The following HTR1F variants were observed in gnomAD, a reference collection of about 807,000 sequenced individuals.
HTR1F encodes 5-hydroxytryptamine (serotonin) receptor 1F, G protein-coupled.
Under a neutral mutation model 24.0 loss-of-function variants are expected in HTR1F, and 17 were observed. The observed-to-expected ratio is 0.71, with a 90% CI of 0.48 to 1.06. HTR1F has a LOEUF of 1.06. HTR1F is among the 50% of genes least tolerant of loss of function. The pLI is 0.00. For synonymous variants in HTR1F, 186 were observed against 156.8 expected (o/e 1.19, Z -1.39); for missense variants, 391 against 427.8 (o/e 0.91, Z 0.76).
chr3:87,934,992 A>G (rs2107420169), intron 2 of HTR1F, among the ~76,000 whole-genome samples: 1 of 152,224 alleles, frequency 6.6e-6, no homozygotes, highest in South Asian at 2.1e-4. Flanking sequence ...CAGCCTCACA[A>G]GTAGCTGGGA....
chr3:87,805,876 G>T (rs1482659623), intron 1 of HTR1F, among the ~76,000 whole-genome samples: 1 of 152,000 alleles, frequency 6.6e-6, no homozygotes, highest in African/African-American at 2.4e-5. Context: ...TCAAACATTA[G>T]AACTTATGCC....
chr3:87,832,149 T>C (rs1704592472), intron 2 of HTR1F, among the ~76,000 whole-genome samples: 1 of 152,084 alleles, frequency 6.6e-6, no homozygotes, highest in Non-Finnish European at 1.5e-5. Flanking sequence ...ATTGAGTAAC[T>C]AAAGCTAAAA....
intron 2 of HTR1F, among the ~76,000 whole-genome samples, chr3:87,981,615 C>T (rs1326288746): frequency 6.6e-6 from 1 of 152,200 alleles, no homozygotes. Context: ...TCTCCCCACC[C>T]TTCCTTTACA....
chr3:87,934,057 CT>C (rs1303569658), intron 2 of HTR1F, among the ~76,000 whole-genome samples: 1 of 152,192 alleles, frequency 6.6e-6, no homozygotes, highest in African/African-American at 2.4e-5. Flanking sequence ...TCTGGTTCGT[CT>C]TTGGCCCACA....
intron 2 of HTR1F, among the ~76,000 whole-genome samples, chr3:87,893,190 A>G (rs1228965303): frequency 6.6e-6 from 1 of 152,062 alleles, no homozygotes; most frequent in Non-Finnish European, 1.5e-5. Context: ...CATTACTGGT[A>G]TTTTTTATCT....
At chr3:87,908,232 T>C (rs1263797953) in intron 2 of HTR1F, among the ~76,000 whole-genome samples, 1 of 152,004 alleles carries the variant, frequency 6.6e-6, no homozygotes, top group African/African-American at 2.4e-5. Flanking sequence ...TGATACTTTA[T>C]GTAGAACAGT....
At chr3:87,841,487 A>G (rs1365967786) in intron 2 of HTR1F, among the ~76,000 whole-genome samples, 1 of 151,954 alleles carries the variant, frequency 6.6e-6, no homozygotes, top group Admixed American at 6.6e-5. Flanking sequence ...TAACAAATAT[A>G]TGAAAGTGCA....
rs1441326768 is a variant in HTR1F, at chr3:87,916,767, A to G, written c.-42-73941A>G. Among the ~76,000 whole-genome samples the G allele has an allele frequency of 2.0e-5, 3 of 151,538 alleles. 1 individual carries two copies. The highest frequency in any genetic ancestry group is 6.8e-3 in the Middle Eastern group (2 of 294). Reference sequence around the variant, plus strand: ...CTAAGCAATGAGATAGCAGCACAATAATACTTCAATACTCCACTGACAGCA... The same window carrying G: ...CTAAGCAATGAGATAGCAGCACAATGATACTTCAATACTCCACTGACAGCA... On this transcript the variant is annotated intron_variant, in intron 2 of 2. Transcript: ENST00000319595.
At chr3:87,878,418 T>TA (rs1705717047) in intron 2 of HTR1F, among the ~76,000 whole-genome samples, 1 of 152,132 alleles carries the variant, frequency 6.6e-6, no homozygotes, top group Admixed American at 6.6e-5. Context: ...GAAATATCGA[T>TA]AAAAATGATT....
intron 1 of HTR1F, among the ~76,000 whole-genome samples, chr3:87,801,057 T>C (rs927573910): frequency 2.0e-5 from 3 of 152,222 alleles, no homozygotes; most frequent in African/African-American, 7.2e-5. Flanking sequence ...TTATTTCTAT[T>C]CTTTTTTCTT....
intron 2 of HTR1F, among the ~76,000 whole-genome samples, chr3:87,881,910 G>C (rs891014025): frequency 2.6e-5 from 4 of 152,136 alleles, no homozygotes; most frequent in Admixed American, 6.6e-5. Flanking sequence ...ACTACCATCA[G>C]AGTGAACAGG....
intron 2 of HTR1F, among the ~76,000 whole-genome samples, chr3:87,838,230 T>C (rs1215488112): frequency 6.6e-6 from 1 of 152,148 alleles, no homozygotes; most frequent in Non-Finnish European, 1.5e-5. Flanking sequence ...AAGTGGCTGG[T>C]AGTCAAAATA....
intron 1 of HTR1F, among the ~76,000 whole-genome samples, chr3:87,803,076 C>G (rs188701230): frequency 2.1e-4 from 32 of 152,148 alleles, no homozygotes; most frequent in African/African-American, 7.5e-4. Flanking sequence ...TGATTTGGAG[C>G]CTTTCTGTTT....
intron 2 of HTR1F, among the ~76,000 whole-genome samples, chr3:87,983,906 GCTGTAC>G (rs1705605801): frequency 6.6e-6 from 1 of 152,166 alleles, no homozygotes; most frequent in Non-Finnish European, 1.5e-5. Flanking sequence ...CTCTCTTCAA[GCTGTAC>G]CTTGCCACCT....
chr3:87,840,680 A>C (rs1704783380), intron 2 of HTR1F, among the ~76,000 whole-genome samples: 2 of 150,178 alleles, frequency 1.3e-5, no homozygotes, highest in Admixed American at 1.3e-4. Context: ...TCAATAGCTC[A>C]ATATTGTTCA....
intron 2 of HTR1F, among the ~76,000 whole-genome samples, chr3:87,845,077 A>G (rs1269429724): frequency 1.5e-4 from 23 of 151,670 alleles, no homozygotes; most frequent in African/African-American, 5.3e-4. Context: ...TTGATGGGAC[A>G]TATTTCAAAA....
intron 2 of HTR1F, among the ~76,000 whole-genome samples, chr3:87,897,004 C>G (rs1461011324): frequency 4.0e-5 from 6 of 151,882 alleles, no homozygotes; most frequent in Non-Finnish European, 4.4e-5. Context: ...TATGAATGTT[C>G]CTCAAAAATA....
intron 2 of HTR1F, among the ~76,000 whole-genome samples, chr3:87,942,198 AGG>A (rs991755109): frequency 5.3e-5 from 8 of 152,224 alleles, no homozygotes; most frequent in Non-Finnish European, 7.4e-5. Context: ...CTCCCTAACA[AGG>A]GAGTGGGGCT....
chr3:87,939,947 T>G (rs1439300565), intron 2 of HTR1F, among the ~76,000 whole-genome samples: 1 of 152,202 alleles, frequency 6.6e-6, no homozygotes, highest in African/African-American at 2.4e-5. Context: ...TTCTTTTAAT[T>G]GTAATGTTAG....
Sources: allele counts gnomAD v4.1 joint callset (sites outside exome capture counted in the v4.1 genomes callset), GRCh38; gene constraint gnomAD v4.1.1; transcripts MANE v1.5; gene names NCBI Gene and HGNC (gene_info 2026-07-23, HGNC 2026-07-21).